Variants in ZNF860 observed in about 807,000 individuals in gnomAD.
The protein encoded by ZNF860 is zinc finger protein 860.
For synonymous variants in ZNF860, 206 were observed against 248.9 expected (o/e 0.83, Z 1.62); for missense variants, 641 against 759.2 (o/e 0.84, Z 1.83).
At chr3:31,997,883 G>T in the ZNF860 span, among the ~76,000 whole-genome samples, 37 of 152,190 alleles carry the variant, frequency 2.4e-4, no homozygotes, top group African/African-American at 8.9e-4. Context: ...GACATCCTGG[G>T]CTCAAGCAAT....
chr3:31,984,740 C>G (rs968456003), intron 1 of ZNF860, among the ~76,000 whole-genome samples: 1 of 152,098 alleles, frequency 6.6e-6, no homozygotes, highest in East Asian at 1.9e-4. Context: ...GTTTGGTGTT[C>G]AAACAAGGAG....
chr3:31,990,127 G>A lies in ZNF860; in HGVS notation c.1048G>A (p.Ala350Thr). ...KPYKCKVCEK[A>T]FRRDSHLTQH... ...ATACAAATGTAAGGTTTGTGAAAAG[G>A]CTTTCAGGCGTGATTCACACCTCAC... Residue 350 changes from alanine (A) to threonine (T), a missense_variant, in exon 2 of 2, where the codon GCT becomes ACT. Transcript: ENST00000360311. 6.2e-7 allele frequency: 1 copy of A among 1,611,406 alleles called. No individual in the cohort carries two copies. Among genetic ancestry groups the A allele is most frequent in the Non-Finnish European group, 8.5e-7 (1 of 1,178,494 alleles).
chr3:31,994,946 G>T (rs1284789591), downstream of ZNF860, among the ~76,000 whole-genome samples: 1 of 152,102 alleles, frequency 6.6e-6, no homozygotes, highest in African/African-American at 2.4e-5. Flanking sequence ...ATCACATATT[G>T]GTAGGACCAT....
chr3:31,982,486 C>T (rs2125510242), intron 1 of ZNF860, among the ~76,000 whole-genome samples: 1 of 152,232 alleles, frequency 6.6e-6, no homozygotes, highest in African/African-American at 2.4e-5. Flanking sequence ...AAAGTCAGCT[C>T]TCAAAGGGAC....
In ZNF860 at chr3:31,990,987, C is replaced by T; in HGVS notation, c.*9C>T. On this transcript the variant is annotated 3_prime_UTR_variant, in exon 2 of 2. Transcript: ENST00000360311. Reference sequence around the variant, plus strand: ...GCAAGGTCTTCAGTTAGAGGTCACTCCTTGCAAAACATCAGAAAATTCATT... The same window carrying T: ...GCAAGGTCTTCAGTTAGAGGTCACTTCTTGCAAAACATCAGAAAATTCATT... 1 of 1,555,132 alleles carries T rather than the reference C, an allele frequency of 6.4e-7. No homozygotes were observed. Among genetic ancestry groups the T allele is most frequent in the Non-Finnish European group, 8.7e-7 (1 of 1,152,930 alleles).
the ZNF860 span, among the ~76,000 whole-genome samples, chr3:32,005,055 T>C: frequency 6.6e-6 from 1 of 152,178 alleles, no homozygotes; most frequent in Non-Finnish European, 1.5e-5. Context: ...CTTCTTTCAC[T>C]CAACACTTTT....
chr3:31,990,731 C>T lies in ZNF860; in HGVS notation c.1652C>T (p.Ser551Leu). Reference protein sequence around the residue: ...EECDTVFSRKSHHETHKRIHT... With the variant: ...EECDTVFSRKLHHETHKRIHT... ...TGTGACACAGTTTTCAGTCGCAAAT[C>T]ACACCATGAAACACATAAGAGAATT... Residue 551 changes from serine (S) to leucine (L), a missense_variant, in exon 2 of 2, where the codon TCA becomes TTA. Physicochemically the swap from Ser to Leu is moderately radical, Grantham distance 145. Transcript: ENST00000360311. The T allele has an allele frequency of 6.2e-7, 1 of 1,614,034 alleles. No homozygotes were observed. The highest frequency in any genetic ancestry group is 8.5e-7 in the Non-Finnish European group (1 of 1,179,914).
Position 31,991,615 on chromosome 3 carries a change from T to C in ZNF860, c.*637T>C, listed in dbSNP as rs1441963341. The C allele has an allele frequency of 6.0e-6, 1 of 166,646 alleles. No homozygotes were observed. Among genetic ancestry groups the C allele is most frequent in the African/African-American group, 2.4e-5 (1 of 41,448 alleles). 10.3% of individuals were successfully genotyped at this position (166,646 alleles called of 1,614,324 possible). Reference sequence around the variant, plus strand: ...GATATTGTATTCTGCAAATACACTGTGTTTATTAGCTTCAGTAGTATTTTA... The same window carrying C: ...GATATTGTATTCTGCAAATACACTGCGTTTATTAGCTTCAGTAGTATTTTA... On this transcript the variant is annotated 3_prime_UTR_variant, in exon 2 of 2. Coordinates refer to ENST00000360311, the MANE Select transcript of ZNF860 (RefSeq NM_001137674.3).
At chr3:31,994,649 G>C (rs984040872), downstream of ZNF860, among the ~76,000 whole-genome samples, 2 of 152,142 alleles carry the variant, frequency 1.3e-5, no homozygotes, top group Admixed American at 1.3e-4. Flanking sequence ...ACAGTAATGT[G>C]AGCATTTGAT....
intron 1 of ZNF860, among the ~76,000 whole-genome samples, chr3:31,983,301 A>G (rs570597477): frequency 6.6e-6 from 1 of 152,282 alleles, no homozygotes; most frequent in African/African-American, 2.4e-5. Flanking sequence ...CATGCCTTTT[A>G]TTGGAGACTG....
Position 31,988,844 on chromosome 3 carries a change from G to T in ZNF860, c.-236G>T. The T allele has an allele frequency of 1.8e-6, 1 of 568,484 alleles. No individual in the cohort carries two copies. The highest frequency in any genetic ancestry group is 3.1e-6 in the Non-Finnish European group (1 of 322,854). 35.2% of individuals were successfully genotyped at this position (568,484 alleles called of 1,614,324 possible). The stretch of plus-strand genomic sequence containing the variant: ...GTTGTCACCAGTCAAGCCTTGAGAT[G>T]ACTGCAGCCATGACCCACAGCTTGA... On this transcript the variant is annotated 5_prime_UTR_variant, in exon 2 of 2. It removes an upstream start codon present in the reference 5' UTR. Transcript: ENST00000360311.
the ZNF860 span, among the ~76,000 whole-genome samples, chr3:32,003,778 C>T: frequency 6.6e-6 from 1 of 152,170 alleles, no homozygotes; most frequent in Non-Finnish European, 1.5e-5. Context: ...CTGAGGGCAC[C>T]TCTCTCTGAG....
the ZNF860 span, among the ~76,000 whole-genome samples, chr3:32,005,385 C>A: frequency 6.6e-6 from 1 of 152,122 alleles, no homozygotes; most frequent in Non-Finnish European, 1.5e-5. Context: ...CTCCAATTGT[C>A]CTACTACCAC....
At position 31,991,018 on chromosome 3, in the gene ZNF860, G is replaced by A; in HGVS notation, c.*40G>A. Reference sequence around the variant, plus strand: ...AAAACATCAGAAAATTCATTCCTGAGATAATTGTTCCAAATGCAATGAGTA... The same window carrying A: ...AAAACATCAGAAAATTCATTCCTGAAATAATTGTTCCAAATGCAATGAGTA... On this transcript the variant is annotated 3_prime_UTR_variant, in exon 2 of 2. Coordinates refer to ENST00000360311, the MANE Select transcript of ZNF860 (RefSeq NM_001137674.3). 1 of 1,522,482 alleles carries A rather than the reference G, an allele frequency of 6.6e-7. No homozygotes were observed. The highest frequency in any genetic ancestry group is 8.8e-7 in the Non-Finnish European group (1 of 1,130,398). 94.3% of individuals were successfully genotyped at this position (1,522,482 alleles called of 1,614,324 possible).
the ZNF860 span, among the ~76,000 whole-genome samples, chr3:32,004,737 A>C: frequency 6.6e-6 from 1 of 152,352 alleles, no homozygotes; most frequent in South Asian, 2.1e-4. Flanking sequence ...ACAGCCTTGC[A>C]GAGCGACAGA....
downstream of ZNF860, among the ~76,000 whole-genome samples, chr3:31,994,095 T>C (rs975406): frequency 0.35 from 52,761 of 152,116 alleles, 12,810 homozygotes; most frequent in African/African-American, 0.68. Context: ...GTGAATCTCA[T>C]ATGCATTATG....
At chr3:32,001,988 T>A in the ZNF860 span, among the ~76,000 whole-genome samples, 1 of 152,208 alleles carries the variant, frequency 6.6e-6, no homozygotes, top group Non-Finnish European at 1.5e-5. Flanking sequence ...CACACAGAAG[T>A]AAGACATTCA....
At chr3:31,998,678 T>C in the ZNF860 span, among the ~76,000 whole-genome samples, 2 of 152,236 alleles carry the variant, frequency 1.3e-5, no homozygotes, top group Non-Finnish European at 2.9e-5. Flanking sequence ...TTCTTGCCAA[T>C]TGGCTATCCA....
At chr3:32,003,891 C>T in the ZNF860 span, among the ~76,000 whole-genome samples, 13 of 152,214 alleles carry the variant, frequency 8.5e-5, no homozygotes, top group East Asian at 1.4e-3. Flanking sequence ...TTCTAGAACA[C>T]GGGCTAATAC....
Sources: allele counts gnomAD v4.1 joint callset (sites outside exome capture counted in the v4.1 genomes callset), GRCh38; gene constraint gnomAD v4.1.1; transcripts MANE v1.5; gene names NCBI Gene and HGNC (gene_info 2026-07-23, HGNC 2026-07-21).